IQCM: variants seen among roughly 807,000 people sequenced by gnomAD.
IQCM encodes IQ domain-containing protein M.
IQCM carries 45 observed loss-of-function variants against 57.6 expected under a neutral mutation model. That is an observed-to-expected ratio of 0.78 (90% CI 0.62 to 1.00). IQCM has a LOEUF of 1.00. IQCM is among the 50% of genes least tolerant of loss of function. IQCM has a pLI of 0.00. For missense variants in IQCM, 468 were observed against 511.6 expected (o/e 0.91, Z 0.82); for synonymous variants, 148 against 158.9 (o/e 0.93, Z 0.51).
intron 10 of IQCM, among the ~76,000 whole-genome samples, chr4:149,559,849 TGA>T (rs1749950014): frequency 6.6e-6 from 1 of 152,146 alleles, no homozygotes; most frequent in Non-Finnish European, 1.5e-5. Flanking sequence ...GAATTGTGGG[TGA>T]GAGAGCATTA....
intron 2 of IQCM, among the ~76,000 whole-genome samples, chr4:149,763,050 G>A (rs527456977): frequency 5.3e-5 from 8 of 152,096 alleles, no homozygotes; most frequent in Non-Finnish European, 8.8e-5. Context: ...AGGCTATGGC[G>A]TGCATTCAAT....
At chr4:149,805,524 G>A (rs1773994536) in intron 2 of IQCM, among the ~76,000 whole-genome samples, 1 of 152,016 alleles carries the variant, frequency 6.6e-6, no homozygotes, top group Non-Finnish European at 1.5e-5. Context: ...AATTTAACAT[G>A]TAGCTGCAGA....
chr4:149,731,724 A>T (rs1766477129), intron 5 of IQCM, among the ~76,000 whole-genome samples: 1 of 152,206 alleles, frequency 6.6e-6, no homozygotes. Flanking sequence ...ATGTGGAAAA[A>T]AAATGGGGGT....
chr4:149,418,471 G>A (rs761598234), intron 13 of IQCM, among the ~76,000 whole-genome samples: 6 of 151,910 alleles, frequency 3.9e-5, no homozygotes, highest in East Asian at 1.9e-4. Context: ...GAAAAAACAC[G>A]CAGGACCAGA....
At chr4:149,439,205 T>C (rs1006581209) in intron 12 of IQCM, among the ~76,000 whole-genome samples, 7 of 152,204 alleles carry the variant, frequency 4.6e-5, no homozygotes, top group Admixed American at 2.6e-4. Context: ...AGCTATTTAA[T>C]TGTTCAATAA....
intron 12 of IQCM, among the ~76,000 whole-genome samples, chr4:149,450,607 T>C (rs1737006641): frequency 6.6e-6 from 1 of 151,696 alleles, no homozygotes; most frequent in African/African-American, 2.4e-5. Context: ...CATGTAAAAA[T>C]GTGCTCAACA....
intron 7 of IQCM, among the ~76,000 whole-genome samples, chr4:149,670,994 G>A (rs930112406): frequency 1.3e-5 from 2 of 150,952 alleles, no homozygotes; most frequent in African/African-American, 2.4e-5. Context: ...GATGATGCTG[G>A]CCTCATAAAA....
At chr4:149,502,401 G>C (rs374571573) in intron 12 of IQCM, among the ~76,000 whole-genome samples, 7 of 152,118 alleles carry the variant, frequency 4.6e-5, no homozygotes, top group South Asian at 2.1e-4. Flanking sequence ...GCCTTTAAAG[G>C]CTCATGATTT....
chr4:149,355,044 T>C lies in IQCM; in HGVS notation c.1391-2978A>G, dbSNP rs1017883608. On this transcript the variant is annotated intron_variant, in intron 13 of 13. Coordinates refer to ENST00000636793, the MANE Select transcript of IQCM (RefSeq NM_001363507.2). ...AATTTAAAAACAGACATGACTCTGA[T>C]ACTTCATAAGTATTTAAAAAATAGT... 3.9e-5 allele frequency among the ~76,000 whole-genome samples: 6 copies of C among 152,310 alleles called. No homozygotes were observed. In the South Asian group the frequency reaches 1.2e-3, roughly 32 times the overall value.
chr4:149,796,973 C>T (rs1231792264), intron 2 of IQCM, among the ~76,000 whole-genome samples: 1 of 152,074 alleles, frequency 6.6e-6, no homozygotes, highest in Non-Finnish European at 1.5e-5. Context: ...GCAAAGACTA[C>T]AATAAATACC....
At chr4:149,434,771 G>C (rs920468794) in intron 12 of IQCM, among the ~76,000 whole-genome samples, 1 of 152,022 alleles carries the variant, frequency 6.6e-6, no homozygotes. Context: ...GAGGATGAAT[G>C]GGTTCTTTCT....
In IQCM at chr4:149,368,974, G is replaced by A. The variant is rs1386001098; in HGVS notation, c.1391-16908C>T. Reference sequence around the variant, plus strand: ...TATATATACACGTGTATATATATATGTGTATATATATACACGTGTATATAT... The same window carrying A: ...TATATATACACGTGTATATATATATATGTATATATATACACGTGTATATAT... On this transcript the variant is annotated intron_variant, in intron 13 of 13. Transcript: ENST00000636793. 3.0e-4 allele frequency among the ~76,000 whole-genome samples: 11 copies of A among 37,108 alleles called. 1 individual carries two copies. The highest frequency in any genetic ancestry group is 4.5e-4 in the African/African-American group (5 of 11,216). 24.3% of individuals were successfully genotyped at this position (37,108 alleles called of 152,430 possible).
At chr4:149,578,245 C>G (rs936656283) in intron 9 of IQCM, among the ~76,000 whole-genome samples, 21 of 151,610 alleles carry the variant, frequency 1.4e-4, no homozygotes, top group African/African-American at 2.2e-4. Context: ...GGCTAAGACT[C>G]CTAGATTCTG....
At chr4:149,761,594 C>A (rs930590312) in intron 2 of IQCM, among the ~76,000 whole-genome samples, 1 of 152,068 alleles carries the variant, frequency 6.6e-6, no homozygotes, top group Non-Finnish European at 1.5e-5. Flanking sequence ...CCTTTTAAAT[C>A]TTGTAGTATG....
chr4:149,636,664 G>C (rs1757743358), intron 7 of IQCM, among the ~76,000 whole-genome samples: 1 of 152,038 alleles, frequency 6.6e-6, no homozygotes, highest in African/African-American at 2.4e-5. Context: ...AAATAAGGCA[G>C]GAGGTCTATA....
chr4:149,524,907 C>A (rs1050694410), intron 12 of IQCM, among the ~76,000 whole-genome samples: 1 of 151,362 alleles, frequency 6.6e-6, no homozygotes, highest in African/African-American at 2.4e-5. Flanking sequence ...TTAAAAATTT[C>A]CTAAAACTAA....
intron 7 of IQCM, among the ~76,000 whole-genome samples, chr4:149,647,172 A>G (rs1758717779): frequency 6.6e-6 from 1 of 152,190 alleles, no homozygotes; most frequent in Non-Finnish European, 1.5e-5. Flanking sequence ...TAAAAAATGC[A>G]TACATAAAAA....
At chr4:149,612,399 T>C (rs1382852899) in intron 8 of IQCM, among the ~76,000 whole-genome samples, 1 of 152,160 alleles carries the variant, frequency 6.6e-6, no homozygotes, top group Non-Finnish European at 1.5e-5. Context: ...TTTCCACCCA[T>C]TTTCTCATTT....
At chr4:149,706,025 T>C (rs562229498) in intron 5 of IQCM, among the ~76,000 whole-genome samples, 2 of 152,092 alleles carry the variant, frequency 1.3e-5, no homozygotes, top group Non-Finnish European at 2.9e-5. Flanking sequence ...AATACACTGC[T>C]ACATGTCAAA....
Sources: allele counts gnomAD v4.1 joint callset (sites outside exome capture counted in the v4.1 genomes callset), GRCh38; gene constraint gnomAD v4.1.1; transcripts MANE v1.5; gene names NCBI Gene and HGNC (gene_info 2026-07-23, HGNC 2026-07-21).